The following CDHR2 variants were observed in gnomAD, a reference collection of about 807,000 sequenced individuals.
The protein encoded by CDHR2 is cadherin related family member 2, also known as cadherin-related family member 2.
CDHR2 carries 104 observed loss-of-function variants against 138.6 expected under a neutral mutation model. That is an observed-to-expected ratio of 0.75 (90% CI 0.64 to 0.88). CDHR2 has a LOEUF of 0.88. Ranked by LOEUF, CDHR2 falls within the 40% of genes least tolerant of loss-of-function variation. CDHR2 has a pLI of 0.00. For missense variants in CDHR2, 1,624 were observed against 1,727.6 expected, an observed-to-expected ratio of 0.94 and a Z score of 1.06; for synonymous variants, 755 against 742.8, an observed-to-expected ratio of 1.02 and a Z score of -0.27.
rs764108247 is a variant in CDHR2 at position 176,575,341 on chromosome 5, C to T, written c.683C>T (p.Ser228Phe). ...CAGTGCTCCCTGCCTGTCTTCCTGT[C>T]CATCTCCGTGGTGGACCAGCCTGAC... The part of the protein sequence containing the change: ...TIQCSLPVFL[S>F]ISVVDQPDLD... Residue 228 changes from serine (S) to phenylalanine (F), a missense_variant, in exon 9 of 32, where the codon TCC becomes TTC. Ser to Phe is a radical substitution (Grantham distance 155, BLOSUM62 -2). Coordinates refer to ENST00000261944, the MANE Select transcript of CDHR2 (RefSeq NM_017675.6). 1.9e-6 allele frequency: 3 copies of T among 1,614,238 alleles called. No homozygotes were observed. Among genetic ancestry groups the T allele is most frequent in the South Asian group, 1.1e-5 (1 of 91,090 alleles).
intron 1 of CDHR2, among the ~76,000 whole-genome samples, chr5:176,562,872 G>A (rs937375646): frequency 1.2e-4 from 19 of 152,104 alleles, no homozygotes; most frequent in African/African-American, 4.6e-4. Flanking sequence ...TATGATCCAC[G>A]CTCACTTGGG....
At chr5:176,555,307 C>A (rs4077094) in intron 1 of CDHR2, among the ~76,000 whole-genome samples, 439 of 152,126 alleles carry the variant, frequency 2.9e-3, no homozygotes, top group African/African-American at 0.01. Flanking sequence ...CCACGGGAGG[C>A]CTGCCTCCTT....
intron 3 of CDHR2, among the ~76,000 whole-genome samples, chr5:176,568,099 T>A (rs1581136715): frequency 6.6e-6 from 1 of 151,882 alleles, no homozygotes; most frequent in African/African-American, 2.4e-5. Flanking sequence ...CCAGTGGAGG[T>A]GTCGGAGCAG....
intron 5 of CDHR2, among the ~76,000 whole-genome samples, chr5:176,570,490 C>T (rs73345117): frequency 0.01 from 1,598 of 152,294 alleles, 27 homozygotes; most frequent in African/African-American, 0.036. Context: ...GGACTACAGG[C>T]GCTCACCAAC....
At position 176,553,225 on chromosome 5, in the gene CDHR2, G is replaced by A. The variant is rs1757747029; in HGVS notation, c.-16+3811G>A. Among the ~76,000 whole-genome samples the A allele has an allele frequency of 6.6e-6, 1 of 152,188 alleles. No individual in the cohort carries two copies. Among genetic ancestry groups the A allele is most frequent in the African/African-American group, 2.4e-5 (1 of 41,434 alleles). ...GTGGGAAAATCGGGCAGCTCAAGAA[G>A]GAAAACCCAGGAGCCTAGAAAAGAG... On this transcript the variant is annotated intron_variant, in intron 1 of 31. Coordinates refer to ENST00000261944, the MANE Select transcript of CDHR2 (RefSeq NM_017675.6). This position sits in a 1 kb window ranked among gnomAD's most constrained non-coding sequence, Gnocchi z 4.3.
chr5:176,594,966 T>C (rs1209074564), intron 31 of CDHR2, among the ~76,000 whole-genome samples: 1 of 152,130 alleles, frequency 6.6e-6, no homozygotes, highest in Non-Finnish European at 1.5e-5. Flanking sequence ...AGCGTCCCTC[T>C]GAGGGCAGCA....
At chr5:176,542,793 C>A (rs1757482361) in intron 1 of CDHR2, 1 of 152,336 alleles carries the variant, frequency 6.6e-6, no homozygotes, top group African/African-American at 2.4e-5. Flanking sequence ...TGAAGTGCAG[C>A]GGTCTGTTCC....
upstream of CDHR2, among the ~76,000 whole-genome samples, chr5:176,544,441 T>TTCTTTC (rs1554140323): frequency 7.8e-5 from 1 of 12,810 alleles, no homozygotes; most frequent in Non-Finnish European, 4.9e-3. Context: ...CTTTCTTTCT[T>TTCTTTC]TCTCTCTTTC....
rs139733670 is a variant in CDHR2 at position 176,556,473 on chromosome 5, C to T, written c.-16+7059C>T. ...CAAGGTCAGGAGATCGAGACCATCC[C>T]GGCTAACATGGTGAAACCCAGTCTC... On this transcript the variant is annotated intron_variant, in intron 1 of 31. Transcript: ENST00000261944. Among the ~76,000 whole-genome samples the T allele has an allele frequency of 6.8e-3, 1,035 of 152,250 alleles. 9 individuals carry two copies. The highest frequency in any genetic ancestry group is 0.023 in the African/African-American group (952 of 41,546).
chr5:176,565,733 C>A lies in CDHR2; in HGVS notation c.114C>A (p.Asp38Glu), dbSNP rs1019205323. ...ANMTSVILPE[D>E]LPVGAQAFWL... is the part of the protein sequence containing the mutation. ...TGACGTCAGTGATCCTGCCTGAGGACCTGCCTGTGGGTGAGTCCCGGTCCC... is the reference window on the plus strand; with the variant it reads ...TGACGTCAGTGATCCTGCCTGAGGAACTGCCTGTGGGTGAGTCCCGGTCCC... Residue 38 changes from aspartate to glutamate, a missense_variant, in exon 3 of 32, where the codon GAC becomes GAA. By Grantham distance (45) the Asp-to-Glu change is conservative. Around this residue, in one of 3 missense-constraint regions of CDHR2, gnomAD observed 1,061 missense variants for 1,136.6 expected, o/e 0.93. Coordinates refer to ENST00000261944, the MANE Select transcript of CDHR2 (RefSeq NM_017675.6). 1 of 1,613,796 alleles carries A rather than the reference C, an allele frequency of 6.2e-7. No individual in the cohort carries two copies. Among genetic ancestry groups the A allele is most frequent in the Admixed American group, 1.7e-5 (1 of 59,984 alleles).
At chr5:176,592,417 AGGTGAT>A (rs1318850845) in intron 30 of CDHR2, among the ~76,000 whole-genome samples, 3 of 101,708 alleles carry the variant, frequency 2.9e-5, no homozygotes, top group African/African-American at 1.1e-4. Context: ...GTTGGTGTTG[AGGTGAT>A]GGTGATGGTG....
At chr5:176,544,336 C>T (rs1198812969) in intron 1 of CDHR2, among the ~76,000 whole-genome samples, 4 of 151,636 alleles carry the variant, frequency 2.6e-5, no homozygotes, top group Non-Finnish European at 4.4e-5. Context: ...TCTTTTCCTT[C>T]CTTCCTTTCT....
intron 31 of CDHR2, among the ~76,000 whole-genome samples, chr5:176,594,358 G>A (rs1048508648): frequency 1.3e-5 from 2 of 152,208 alleles, no homozygotes; most frequent in African/African-American, 4.8e-5. Flanking sequence ...GGCTGGGGTG[G>A]CGCAGGTGGA....
At chr5:176,558,098 C>T (rs1448643782) in intron 1 of CDHR2, among the ~76,000 whole-genome samples, 1 of 152,110 alleles carries the variant, frequency 6.6e-6, no homozygotes, top group Non-Finnish European at 1.5e-5. Context: ...TGTAGTCCAT[C>T]GACCATGGGA....
intron 16 of CDHR2, among the ~76,000 whole-genome samples, chr5:176,579,531 C>T (rs1011933203): frequency 4.6e-5 from 7 of 152,080 alleles, no homozygotes; most frequent in Admixed American, 2.6e-4. Flanking sequence ...CATTTCTGGT[C>T]GGCTGCTGTA....
In CDHR2 at chr5:176,565,724, G is replaced by C. The variant is rs1170272377; in HGVS notation, c.105G>C (p.Leu35=). 10 of 1,613,742 alleles carry C rather than the reference G, an allele frequency of 6.2e-6. No individual in the cohort carries two copies. The highest frequency in any genetic ancestry group is 2.7e-5 in the African/African-American group (2 of 74,894). Residue 35 remains leucine (L), a synonymous_variant, in exon 3 of 32, where the codon CTG becomes CTC. Transcript: ENST00000261944. ...TAGCCAACATGACGTCAGTGATCCT[G>C]CCTGAGGACCTGCCTGTGGGTGAGT... is the stretch of plus-strand genomic sequence containing the variant. ...KFLANMTSVI[L]PEDLPVGAQA...
In CDHR2 at chr5:176,592,843, G is replaced by T. The variant is rs1758922529; in HGVS notation, c.3792+63G>T. 2.1e-6 allele frequency: 3 copies of T among 1,419,186 alleles called. No individual in the cohort carries two copies. The Admixed American group carries it at 5.0e-5, about 24-fold the overall frequency. 87.9% of individuals were successfully genotyped at this position (1,419,186 alleles called of 1,614,324 possible). On this transcript the variant is annotated intron_variant, in intron 31 of 31. Coordinates refer to ENST00000261944, the MANE Select transcript of CDHR2 (RefSeq NM_017675.6). ...CTTGGGTTCTTCTGTGGAGGCTTCA[G>T]GGCAGAGCTCAAGGGACCTGCTACT...
At chr5:176,546,344 T>C (rs73341064), upstream of CDHR2, among the ~76,000 whole-genome samples, 161 of 152,296 alleles carry the variant, frequency 1.1e-3, no homozygotes, top group African/African-American at 3.7e-3. Context: ...CCTGGAGTTA[T>C]TGGCAGGATT....
At chr5:176,585,872 G>A in intron 19 of CDHR2, 82 bp from the exon 20 acceptor site, 1 of 1,087,254 alleles carries the variant, frequency 9.2e-7, no homozygotes, top group Non-Finnish European at 1.4e-6. Flanking sequence ...TGGGGTTGAG[G>A]CTGTGGGGCA....
Sources: gnomAD v4.1 joint callset for allele counts (sites outside exome capture counted in the v4.1 genomes callset) on GRCh38, gnomAD v4.1.1 for gene constraint, gnomAD v4.1.1 regional missense constraint, Gnocchi (gnomAD v3.1) non-coding constraint, MANE v1.5 for transcripts, NCBI Gene and HGNC (gene_info 2026-07-23, HGNC 2026-07-21) for gene names.